The following CPE variants were observed in gnomAD, a reference collection of about 807,000 sequenced individuals.
The protein encoded by CPE is carboxypeptidase E.
A neutral mutation model predicts 53.5 loss-of-function variants in CPE; 17 were observed. The ratio of observed to expected loss-of-function variants is 0.32; its 90% CI spans 0.22 to 0.48. The LOEUF is 0.48. Ranked by LOEUF, CPE falls within the 20% of genes least tolerant of loss-of-function variation. The pLI, the probability that CPE is intolerant of heterozygous loss-of-function variation, is 0.99. For missense variants in CPE, 524 were observed against 614.7 expected (o/e 0.85, Z 1.56); for synonymous variants, 226 against 228.8 (o/e 0.99, Z 0.11).
At chr4:165,482,188 GA>G in intron 3 of CPE, 53 bp from the exon 4 acceptor site, 1 of 1,166,980 alleles carries the variant, frequency 8.6e-7, no homozygotes, top group South Asian at 1.6e-5. Flanking sequence ...TCTGTCAAGT[GA>G]TCATACCAAT....
chr4:165,490,653 A>T (rs1732586851), intron 6 of CPE, among the ~76,000 whole-genome samples: 1 of 151,388 alleles, frequency 6.6e-6, no homozygotes. Context: ...AAAAAAAAAA[A>T]AGAATGGTTC....
intron 1 of CPE, among the ~76,000 whole-genome samples, chr4:165,391,700 T>C (rs1730682209): frequency 6.6e-6 from 1 of 152,174 alleles, no homozygotes; most frequent in South Asian, 2.1e-4. Flanking sequence ...AATGTACTTA[T>C]TTAACAATAA....
rs1731991001 is a variant in CPE at position 165,461,127 on chromosome 4, A to G, written c.308-3263A>G. Among the ~76,000 whole-genome samples the G allele has an allele frequency of 5.0e-5, 7 of 141,184 alleles. No homozygotes were observed. The South Asian group carries it at 1.6e-3, about 33-fold the overall frequency. 92.6% of individuals were successfully genotyped at this position (141,184 alleles called of 152,430 possible). A position where few individuals can be genotyped will look rare whatever the true frequency, so the allele number is the denominator to read the frequency against. ...GGCTGCAGTGAGCCATGATTGTGCC[A>G]CTGCACTCTAGCCTGGGTGACAGAG... On this transcript the variant is annotated intron_variant, in intron 1 of 8. Coordinates refer to ENST00000402744, the MANE Select transcript of CPE (RefSeq NM_001873.4).
chr4:165,427,671 A>G (rs1731344991), intron 1 of CPE, among the ~76,000 whole-genome samples: 1 of 152,176 alleles, frequency 6.6e-6, no homozygotes, highest in Non-Finnish European at 1.5e-5. Flanking sequence ...CTCCCTGTCT[A>G]TGATGGTTTA....
intron 1 of CPE, among the ~76,000 whole-genome samples, chr4:165,431,383 C>T (rs1388909434): frequency 6.6e-6 from 1 of 152,096 alleles, no homozygotes; most frequent in Non-Finnish European, 1.5e-5. Flanking sequence ...GAACTGACGT[C>T]CTTTTGTACA....
At chr4:165,482,495 C>T (rs1732432850) in intron 4 of CPE, 136 bp downstream of exon 4, 4 of 635,542 alleles carry the variant, frequency 6.3e-6, no homozygotes, top group Non-Finnish European at 1.1e-5. Flanking sequence ...CTATGTTTAA[C>T]AGGAAGCTCT....
intron 6 of CPE, among the ~76,000 whole-genome samples, chr4:165,487,931 T>C (rs922284550): frequency 6.6e-6 from 1 of 152,036 alleles, no homozygotes; most frequent in African/African-American, 2.4e-5. Context: ...GGCACCTGAA[T>C]GGAAAATTTA....
intron 1 of CPE, among the ~76,000 whole-genome samples, chr4:165,444,814 G>A (rs1049383241): frequency 2.6e-5 from 4 of 152,144 alleles, no homozygotes; most frequent in Non-Finnish European, 4.4e-5. Flanking sequence ...CAGGATGGCC[G>A]GAGCAACTGA....
At chr4:165,432,208 TTGCCATTG>T (rs1347078534) in intron 1 of CPE, among the ~76,000 whole-genome samples, 4 of 152,232 alleles carry the variant, frequency 2.6e-5, no homozygotes, top group African/African-American at 9.7e-5. Flanking sequence ...AGCTACATTC[TTGCCATTG>T]TGCCGGGCAC....
chr4:165,448,410 G>T (rs575546097), intron 1 of CPE, among the ~76,000 whole-genome samples: 1 of 152,120 alleles, frequency 6.6e-6, no homozygotes, highest in Non-Finnish European at 1.5e-5. Flanking sequence ...GCTCAGATTG[G>T]CAGTCAAGTG....
intron 6 of CPE, among the ~76,000 whole-genome samples, chr4:165,489,949 A>T (rs1165332741): frequency 2.0e-5 from 3 of 152,212 alleles, no homozygotes; most frequent in African/African-American, 7.2e-5. Flanking sequence ...ACTGTGTCTA[A>T]GCAGTGAGTG....
chr4:165,486,005 G>A (rs34241361), intron 5 of CPE, among the ~76,000 whole-genome samples: 34,005 of 152,130 alleles, frequency 0.22, 4,320 homozygotes, highest in Non-Finnish European at 0.29. Flanking sequence ...GCCTTGGCCT[G>A]AGCCATTGGA....
intron 1 of CPE, among the ~76,000 whole-genome samples, chr4:165,455,355 A>G (rs1302266324): frequency 1.3e-5 from 2 of 152,222 alleles, no homozygotes; most frequent in African/African-American, 4.8e-5. Context: ...AGTGAAAGAC[A>G]GCAGAATCTT....
At chr4:165,405,933 C>T in intron 1 of CPE, 1 of 730,854 alleles carries the variant, frequency 1.4e-6, no homozygotes, top group Non-Finnish European at 2.6e-6. Context: ...ATGGCAGTCA[C>T]AACAGGCTTT....
chr4:165,470,896 G>C (rs1732194169), intron 3 of CPE, among the ~76,000 whole-genome samples: 1 of 152,094 alleles, frequency 6.6e-6, no homozygotes, highest in Non-Finnish European at 1.5e-5. Flanking sequence ...ACAGTATCCA[G>C]CCAGGCTGGA....
intron 1 of CPE, among the ~76,000 whole-genome samples, chr4:165,438,882 A>G (rs1156841748): frequency 6.6e-6 from 1 of 152,196 alleles, no homozygotes; most frequent in Non-Finnish European, 1.5e-5. Context: ...ACGGATGGCA[A>G]AAATCAGAGG....
intron 3 of CPE, among the ~76,000 whole-genome samples, chr4:165,469,950 T>A (rs938292304): frequency 6.6e-6 from 1 of 152,178 alleles, no homozygotes; most frequent in African/African-American, 2.4e-5. Flanking sequence ...TTTAAACTTT[T>A]AAAAACTCTC....
intron 1 of CPE, among the ~76,000 whole-genome samples, chr4:165,459,915 A>T (rs1473847268): frequency 3.1e-4 from 1 of 3,204 alleles, no homozygotes; most frequent in Non-Finnish European, 7.9e-4. Context: ...ACTCTGTCTC[A>T]AAAAAAAAAA....
At chr4:165,467,272 G>A (rs1199319327) in intron 2 of CPE, among the ~76,000 whole-genome samples, 1 of 152,210 alleles carries the variant, frequency 6.6e-6, no homozygotes, top group Non-Finnish European at 1.5e-5. Flanking sequence ...ACAGTTAGCT[G>A]TGATTATGCC....
Sources: gnomAD v4.1 joint callset for allele counts (sites outside exome capture counted in the v4.1 genomes callset) on GRCh38, gnomAD v4.1.1 for gene constraint, MANE v1.5 for transcripts, NCBI Gene and HGNC (gene_info 2026-07-23, HGNC 2026-07-21) for gene names.